The following RASA2 variants were observed in gnomAD, a reference collection of about 807,000 sequenced individuals.
RASA2 encodes the protein RAS p21 protein activator 2.
RASA2 carries 155 observed loss-of-function variants against 118.2 expected under a neutral mutation model. The ratio of observed to expected loss-of-function variants is 1.31; its 90% confidence interval spans 1.15 to 1.50. RASA2 has a LOEUF of 1.50. Among genes scored for constraint, RASA2 ranks in the 40% most tolerant of loss-of-function variants. The pLI is 0.00. For synonymous variants in RASA2, 353 were observed against 349.1 expected, an observed-to-expected ratio of 1.01 and a Z score of -0.12; for missense variants, 1,016 against 1,009.6, an observed-to-expected ratio of 1.01 and a Z score of -0.09.
chr3:141,529,685 A>G (rs1553787006), intron 3 of RASA2, 23 bp from the exon 4 acceptor site: 3 of 1,529,058 alleles, frequency 2.0e-6, no homozygotes, highest in South Asian at 1.1e-5. Flanking sequence ...GTTTTCTTAT[A>G]TTGTTTTACT....
chr3:141,553,146 C>A (rs2082598667), intron 5 of RASA2, among the ~76,000 whole-genome samples: 1 of 152,124 alleles, frequency 6.6e-6, no homozygotes, highest in South Asian at 2.1e-4. Flanking sequence ...GTGAAGCTTG[C>A]CCTATATTTA....
chr3:141,500,203 T>C (rs940084548), intron 1 of RASA2, among the ~76,000 whole-genome samples: 6 of 152,208 alleles, frequency 3.9e-5, no homozygotes, highest in Non-Finnish European at 8.8e-5. Context: ...TTCTTTTCAG[T>C]AGTTCTTGAC....
chr3:141,595,001 G>A (rs1372011482), intron 19 of RASA2, among the ~76,000 whole-genome samples: 1 of 152,108 alleles, frequency 6.6e-6, no homozygotes, highest in African/African-American at 2.4e-5. Context: ...AGGGGGTGGA[G>A]TAAATTATTC....
At chr3:141,579,539 A>G (rs1188628850) in intron 15 of RASA2, 1 of 152,224 alleles carries the variant, frequency 6.6e-6, no homozygotes. Flanking sequence ...AGCTGAATTT[A>G]GGTCTTTGCT....
intron 23 of RASA2, 37 bp downstream of exon 23, chr3:141,610,103 A>G: frequency 6.7e-7 from 1 of 1,494,066 alleles, no homozygotes; most frequent in Non-Finnish European, 9.0e-7. Flanking sequence ...CATATTTTTA[A>G]ACGGAGTTTG....
chr3:141,573,005 T>G (rs905766141), intron 12 of RASA2, 142 bp from the exon 13 acceptor site: 9 of 712,442 alleles, frequency 1.3e-5, no homozygotes, highest in Non-Finnish European at 2.0e-5. Context: ...GAAAATTGTA[T>G]ATGTTATCCC....
rs1055626147 is a variant in RASA2, at chr3:141,613,400, A to G, written c.*1087A>G. On this transcript the variant is annotated 3_prime_UTR_variant, in exon 24 of 24. Coordinates refer to ENST00000286364, the MANE Select transcript of RASA2 (RefSeq NM_006506.5). ...TCCTTATTGCCTGCTAGCCAAATGG[A>G]ATTTGGGCAAGCAACTCTTTGAAGA... 3 of 152,190 alleles carry G rather than the reference A, an allele frequency of 2.0e-5. No homozygotes were observed. The highest frequency in any genetic ancestry group is 2.0e-4 in the Admixed American group (3 of 15,280). 9.4% of individuals were successfully genotyped at this position (152,190 alleles called of 1,614,324 possible). A position where few individuals can be genotyped will look rare whatever the true frequency, so the allele number is the denominator to read the frequency against.
chr3:141,601,904 C>A (rs1272927014), intron 19 of RASA2, among the ~76,000 whole-genome samples: 1 of 152,108 alleles, frequency 6.6e-6, no homozygotes, highest in Non-Finnish European at 1.5e-5. Context: ...TACTTAAGTT[C>A]ACTGATTTAG....
intron 5 of RASA2, among the ~76,000 whole-genome samples, chr3:141,548,219 C>T (rs945192318): frequency 5.3e-5 from 8 of 151,972 alleles, no homozygotes; most frequent in African/African-American, 1.9e-4. Flanking sequence ...GGAAGTGTTC[C>T]CCTCTCTATT....
chr3:141,502,522 C>T (rs1051476334), intron 1 of RASA2, among the ~76,000 whole-genome samples: 1 of 152,126 alleles, frequency 6.6e-6, no homozygotes, highest in African/African-American at 2.4e-5. Context: ...ACTGCCTCCT[C>T]GATGGTGCTC....
chr3:141,567,016 T>C (rs2082830443), intron 9 of RASA2, among the ~76,000 whole-genome samples: 1 of 152,234 alleles, frequency 6.6e-6, no homozygotes. Context: ...CCTGTGAATC[T>C]GTTTTAGTAT....
chr3:141,556,906 A>C (rs748931191), intron 7 of RASA2, among the ~76,000 whole-genome samples: 41 of 152,142 alleles, frequency 2.7e-4, no homozygotes, highest in Non-Finnish European at 5.0e-4. Context: ...GAAAAAAAAA[A>C]CAAAAGAAAA....
At chr3:141,503,974 A>G (rs1439263509) in intron 1 of RASA2, among the ~76,000 whole-genome samples, 1 of 152,242 alleles carries the variant, frequency 6.6e-6, no homozygotes, top group African/African-American at 2.4e-5. Context: ...TTTACATACA[A>G]TTTTATGGTT....
At chr3:141,566,974 TA>T (rs2082829839) in intron 9 of RASA2, among the ~76,000 whole-genome samples, 1 of 152,158 alleles carries the variant, frequency 6.6e-6, no homozygotes, top group South Asian at 2.1e-4. Flanking sequence ...CAGCAATGCT[TA>T]AAAAAACTCA....
intron 1 of RASA2, 146 bp from the exon 2 acceptor site, chr3:141,512,017 C>A: frequency 1.7e-6 from 1 of 599,210 alleles, no homozygotes; most frequent in Non-Finnish European, 2.8e-6. Context: ...TCCTTTAGAC[C>A]AGCTTGATCT....
At chr3:141,496,369 G>C (rs1437620437) in intron 1 of RASA2, among the ~76,000 whole-genome samples, 1 of 152,152 alleles carries the variant, frequency 6.6e-6, no homozygotes, top group Non-Finnish European at 1.5e-5. Flanking sequence ...ACTACCATCA[G>C]AGTGAACAGG....
chr3:141,537,540 G>A (rs1380330652), intron 4 of RASA2, among the ~76,000 whole-genome samples: 7 of 152,214 alleles, frequency 4.6e-5, no homozygotes, highest in Non-Finnish European at 1.0e-4. Context: ...AGGCCAAGGC[G>A]GGAAAATTAC....
intron 5 of RASA2, among the ~76,000 whole-genome samples, chr3:141,549,959 T>C (rs1316230649): frequency 1.3e-5 from 2 of 152,172 alleles, no homozygotes; most frequent in African/African-American, 4.8e-5. Context: ...TTAAAACTTA[T>C]AGAATAAAAT....
Position 141,565,395 on chromosome 3 carries a change from T to C in RASA2, c.863+5400T>C, listed in dbSNP as rs149241923. ...CCAAAGTATCAATTGTCAGGATGCT[T>C]GGTCATCAACCAGCTAAACTTCCTG... is the stretch of plus-strand genomic sequence containing the variant. On this transcript the variant is annotated intron_variant, in intron 9 of 23. Coordinates refer to ENST00000286364, the MANE Select transcript of RASA2 (RefSeq NM_006506.5). Among the ~76,000 whole-genome samples the C allele has an allele frequency of 1.7e-3, 266 of 152,340 alleles. 1 individual carries two copies. The highest frequency in any genetic ancestry group is 6.0e-3 in the African/African-American group (251 of 41,572).
Sources: allele counts gnomAD v4.1 joint callset (sites outside exome capture counted in the v4.1 genomes callset), GRCh38; gene constraint gnomAD v4.1.1; transcripts MANE v1.5; gene names NCBI Gene and HGNC (gene_info 2026-07-23, HGNC 2026-07-21).